Variants in FGD4 observed in about 807,000 individuals in gnomAD.
FGD4 encodes FYVE, RhoGEF and PH domain containing 4.
In FGD4, 42 loss-of-function variants were observed where a neutral mutation model predicts 102.0. That is an observed-to-expected ratio of 0.41 (90% confidence interval 0.32 to 0.53). FGD4 has a LOEUF of 0.53. Ranked by LOEUF, FGD4 falls within the 20% of genes least tolerant of loss-of-function variation. FGD4 has a pLI of 0.21. For missense variants in FGD4, 902 were observed against 1,078.2 expected (o/e 0.84, Z 2.29); for synonymous variants, 380 against 375.7 (o/e 1.01, Z -0.13).
In FGD4 at chr12:32,638,690, G is replaced by A. The variant is rs751146762; in HGVS notation, c.2349G>A (p.Val783=). Residue 783 remains valine, a synonymous_variant, in exon 16 of 17, where the codon GTG becomes GTA. Transcript: ENST00000534526. ...CAGAAGTATCTGGAAACAGTGTGGT[G>A]TGCAGCTTTCTTCAGTATATGGAGA... ...ESAEVSGNSV[V]CSFLQYMEKS... 5.0e-6 allele frequency: 8 copies of A among 1,614,052 alleles called. No individual in the cohort carries two copies. In the East Asian group the frequency reaches 1.3e-4, roughly 27 times the overall value.
At chr12:32,523,645 T>C (rs548985082) in intron 1 of FGD4, among the ~76,000 whole-genome samples, 1 of 152,368 alleles carries the variant, frequency 6.6e-6, no homozygotes, top group Admixed American at 6.5e-5. Flanking sequence ...AACTTTTATC[T>C]GCTTGCATTT....
At chr12:32,446,196 G>A (rs1942609624) in intron 1 of FGD4, among the ~76,000 whole-genome samples, 1 of 152,140 alleles carries the variant, frequency 6.6e-6, no homozygotes, top group Non-Finnish European at 1.5e-5. Context: ...GTGGACCAAG[G>A]GAAACATGCC....
chr12:32,562,904 G>A (rs540106857), intron 1 of FGD4, among the ~76,000 whole-genome samples: 17 of 126,668 alleles, frequency 1.3e-4, no homozygotes, highest in South Asian at 1.2e-3. Flanking sequence ...TTGTCATCCC[G>A]GCCCGTTCTC....
chr12:32,626,281 C>A (rs961193116), intron 14 of FGD4, among the ~76,000 whole-genome samples: 1 of 152,020 alleles, frequency 6.6e-6, no homozygotes, highest in Admixed American at 6.6e-5. Context: ...CCCGTCTTTA[C>A]TAAAAATACA....
chr12:32,612,509 G>A (rs929016038), intron 10 of FGD4, among the ~76,000 whole-genome samples: 5 of 152,216 alleles, frequency 3.3e-5, no homozygotes, highest in African/African-American at 1.2e-4. Context: ...AGGATCCTTT[G>A]ACAGTATAAT....
At chr12:32,412,924 T>TA (rs71068322) in intron 1 of FGD4, among the ~76,000 whole-genome samples, 2 of 138,038 alleles carry the variant, frequency 1.4e-5, no homozygotes, top group South Asian at 2.3e-4. Flanking sequence ...TTTTTTTTTT[T>TA]AATTAGCCAG....
intron 2 of FGD4, among the ~76,000 whole-genome samples, chr12:32,570,721 A>G (rs544094487): frequency 6.6e-6 from 1 of 152,254 alleles, no homozygotes; most frequent in Admixed American, 6.5e-5. Context: ...GATTACAGGC[A>G]TGAGACATCG....
chr12:32,534,347 C>T (rs1446104778), intron 1 of FGD4: 7 of 1,438,614 alleles, frequency 4.9e-6, no homozygotes, highest in Non-Finnish European at 5.5e-6. Flanking sequence ...GAGCTCCTGG[C>T]AGATCCTGTG....
chr12:32,451,571 A>G (rs888834104), intron 1 of FGD4, among the ~76,000 whole-genome samples: 1 of 152,072 alleles, frequency 6.6e-6, no homozygotes, highest in Non-Finnish European at 1.5e-5. Context: ...TTCCTTAGAA[A>G]GGTCTTTTTT....
chr12:32,415,509 G>A (rs1436575369), intron 1 of FGD4, among the ~76,000 whole-genome samples: 2 of 141,986 alleles, frequency 1.4e-5, no homozygotes, highest in African/African-American at 5.3e-5. Context: ...TGCAAGCTCC[G>A]TCTCCTGGGT....
At chr12:32,610,150 G>A (rs1949050998) in intron 8 of FGD4, among the ~76,000 whole-genome samples, 1 of 152,206 alleles carries the variant, frequency 6.6e-6, no homozygotes, top group South Asian at 2.1e-4. Context: ...TAGAACTTTT[G>A]AGTCAGAAAC....
chr12:32,601,436 G>C lies in FGD4; in HGVS notation c.1247+13G>C. On this transcript the variant is annotated intron_variant, in intron 6 of 16. Coordinates refer to ENST00000534526, the MANE Select transcript of FGD4 (RefSeq NM_001370298.3). ...GAATGCAAGAATGGTAAGAGGAGTA[G>C]ATAGAAAATGATATGTTTAAGGCAG... The C allele has an allele frequency of 6.2e-7, 1 of 1,609,602 alleles. No homozygotes were observed. Among genetic ancestry groups the C allele is most frequent in the Non-Finnish European group, 8.5e-7 (1 of 1,177,370 alleles).
chr12:32,511,310 G>A (rs2136674920), intron 1 of FGD4: 1 of 152,242 alleles, frequency 6.6e-6, no homozygotes, highest in East Asian at 1.9e-4. Flanking sequence ...GGCGATCGGT[G>A]TGATATATAT....
intron 1 of FGD4, among the ~76,000 whole-genome samples, chr12:32,402,086 T>C (rs541960954): frequency 1.3e-5 from 2 of 148,660 alleles, no homozygotes; most frequent in East Asian, 3.9e-4. Context: ...GTACTTTTAG[T>C]AGAGACGGAG....
rs201984435 is a variant in FGD4 at position 32,598,456 on chromosome 12, A to G, written c.1012-41A>G. 423 of 1,334,306 alleles carry G rather than the reference A, an allele frequency of 3.2e-4. 1 individual carries two copies. The African/African-American group carries it at 5.1e-3, about 16-fold the overall frequency. 82.7% of individuals were successfully genotyped at this position (1,334,306 alleles called of 1,614,324 possible). The stretch of plus-strand genomic sequence containing the variant: ...TTTTTTACTTTAGAAATATTGTCCA[A>G]GGTATCTTTCCTAATGTGTGAATAT... On this transcript the variant is annotated intron_variant, in intron 4 of 16. Coordinates refer to ENST00000534526, the MANE Select transcript of FGD4 (RefSeq NM_001370298.3).
At chr12:32,426,337 G>A (rs145660943) in intron 1 of FGD4, among the ~76,000 whole-genome samples, 84 of 152,110 alleles carry the variant, frequency 5.5e-4, no homozygotes, top group African/African-American at 1.7e-3. Context: ...GGTTTTTGTC[G>A]TTGGTTCTGT....
At chr12:32,598,649 A>G (rs1948101813) in intron 5 of FGD4, 63 bp downstream of exon 5, 5 of 1,366,384 alleles carry the variant, frequency 3.7e-6, no homozygotes, top group African/African-American at 1.4e-5. Context: ...TAACCTAGTA[A>G]TTAGAGTATT....
At position 32,576,262 on chromosome 12, in the gene FGD4, A is replaced by G. The variant is rs1380670034; in HGVS notation, c.320-4A>G. 4 of 1,582,850 alleles carry G rather than the reference A, an allele frequency of 2.5e-6. No individual in the cohort carries two copies. Among genetic ancestry groups the G allele is most frequent in the East Asian group, 2.3e-5 (1 of 44,322 alleles). ...AAATACTATATTCTATTCTTTTTCT[A>G]CAGTGCCTCCAAAGCCATTACACCT... On this transcript the variant is annotated splice_region_variant and splice_polypyrimidine_tract_variant and intron_variant, in intron 2 of 16. Transcript: ENST00000534526.
intron 11 of FGD4, among the ~76,000 whole-genome samples, chr12:32,623,550 A>G (rs1592446569): frequency 6.6e-6 from 1 of 152,286 alleles, no homozygotes; most frequent in Non-Finnish European, 1.5e-5. Context: ...TCATACCTGT[A>G]GGAATCAGGC....
Sources: gnomAD v4.1 joint callset for allele counts (sites outside exome capture counted in the v4.1 genomes callset) on GRCh38, gnomAD v4.1.1 for gene constraint, MANE v1.5 for transcripts, NCBI Gene and HGNC (gene_info 2026-07-23, HGNC 2026-07-21) for gene names.